Variants in PIGK observed in about 807,000 individuals in gnomAD.
PIGK encodes the protein GPI-anchor transamidase.
A neutral mutation model predicts 50.6 loss-of-function variants in PIGK; 42 were observed. The ratio of observed to expected loss-of-function variants is 0.83; its 90% confidence interval spans 0.65 to 1.07. PIGK has a LOEUF of 1.07. Among genes scored for constraint, PIGK ranks in the 50% least tolerant of loss-of-function variants. The pLI, the probability that PIGK is intolerant of heterozygous loss-of-function variation, is 0.00. For synonymous variants in PIGK, 151 were observed against 156.0 expected, an observed-to-expected ratio of 0.97 and a Z score of 0.24; for missense variants, 448 against 488.7, an observed-to-expected ratio of 0.92 and a Z score of 0.78.
intron 9 of PIGK, among the ~76,000 whole-genome samples, chr1:77,137,796 G>T (rs1654554168): frequency 6.6e-6 from 1 of 152,030 alleles, no homozygotes; most frequent in Non-Finnish European, 1.5e-5. Flanking sequence ...TAGAGACGGG[G>T]TTTCACCATG....
chr1:77,139,454 C>A (rs1216726149), intron 9 of PIGK, among the ~76,000 whole-genome samples: 1 of 152,074 alleles, frequency 6.6e-6, no homozygotes, highest in Non-Finnish European at 1.5e-5. Flanking sequence ...CACATGAGAG[C>A]CCTAAAGCAA....
intron 1 of PIGK, among the ~76,000 whole-genome samples, chr1:77,218,669 C>T (rs1656643507): frequency 1.3e-5 from 2 of 152,092 alleles, no homozygotes; most frequent in South Asian, 4.1e-4. Flanking sequence ...AAAAAGATAC[C>T]AGACATCTAG....
chr1:77,163,949 T>C lies in PIGK; in HGVS notation c.488-7A>G, dbSNP rs773411564. 4 of 1,517,530 alleles carry C rather than the reference T, an allele frequency of 2.6e-6. No individual in the cohort carries two copies. The Admixed American group carries it at 5.3e-5, about 20-fold the overall frequency. The allele number at this position is 1,517,530 out of a possible 1,614,324, so 94.0% of individuals were successfully genotyped here. On this transcript the variant is annotated splice_polypyrimidine_tract_variant and splice_region_variant and intron_variant, in intron 5 of 10. Transcript: ENST00000370812. ...AAACCATTTCCACCATGCCCTTGTA[T>C]AAAGAGTAAAAAAGATCAATAGATT...
At chr1:77,205,074 T>G (rs1656258191) in intron 3 of PIGK, among the ~76,000 whole-genome samples, 1 of 152,116 alleles carries the variant, frequency 6.6e-6, no homozygotes, top group African/African-American at 2.4e-5. Flanking sequence ...ACAAAATACA[T>G]CCTATTGCTA....
intron 3 of PIGK, among the ~76,000 whole-genome samples, chr1:77,171,366 G>T (rs1284959858): frequency 7.0e-6 from 1 of 142,348 alleles, no homozygotes. Context: ...GAACCCAGGA[G>T]GCGGAGCTCG....
chr1:77,212,525 A>C (rs1156867495), intron 1 of PIGK, among the ~76,000 whole-genome samples: 1 of 152,150 alleles, frequency 6.6e-6, no homozygotes. Flanking sequence ...AAGCACACAC[A>C]CAAGTGTAAA....
Position 77,133,238 on chromosome 1 carries a change from A to T in PIGK, c.987-10879T>A, listed in dbSNP as rs191653916. 1.0e-3 allele frequency among the ~76,000 whole-genome samples: 159 copies of T among 152,084 alleles called. 1 individual carries two copies. Among genetic ancestry groups the T allele is most frequent in the African/African-American group, 3.6e-3 (150 of 41,484 alleles). ...CAATATTTTCTATTGTACTGTCTTC[A>T]AGTTCACTAATTCTATCATCTTCTG... On this transcript the variant is annotated intron_variant, in intron 9 of 10. Transcript: ENST00000370812.
chr1:77,095,504 A>G (rs896775108), intron 10 of PIGK, among the ~76,000 whole-genome samples: 5 of 152,084 alleles, frequency 3.3e-5, no homozygotes, highest in African/African-American at 1.2e-4. Context: ...TGTGTAACTC[A>G]TTCCCAGTTC....
At chr1:77,094,894 C>T (rs995800526) in intron 10 of PIGK, among the ~76,000 whole-genome samples, 1 of 152,016 alleles carries the variant, frequency 6.6e-6, no homozygotes, top group Non-Finnish European at 1.5e-5. Flanking sequence ...AAGAGAAAAT[C>T]AAAGTGCTAT....
chr1:77,160,613 G>A (rs910723414), intron 8 of PIGK, among the ~76,000 whole-genome samples: 8 of 152,128 alleles, frequency 5.3e-5, no homozygotes, highest in African/African-American at 1.4e-4. Context: ...TAAATTAATG[G>A]AGAAAAGAAT....
intron 10 of PIGK, among the ~76,000 whole-genome samples, chr1:77,106,448 C>G (rs900569528): frequency 2.0e-5 from 3 of 152,130 alleles, no homozygotes; most frequent in East Asian, 3.9e-4. Flanking sequence ...TCATAAACAA[C>G]ATTCCTTTTA....
chr1:77,099,016 T>C (rs911698712), intron 10 of PIGK, among the ~76,000 whole-genome samples: 3 of 152,126 alleles, frequency 2.0e-5, no homozygotes, highest in African/African-American at 7.2e-5. Context: ...ATTCCTAGGA[T>C]TTGTAACACT....
chr1:77,096,411 C>T (rs1045129712), intron 10 of PIGK, among the ~76,000 whole-genome samples: 1 of 152,058 alleles, frequency 6.6e-6, no homozygotes, highest in Non-Finnish European at 1.5e-5. Flanking sequence ...GGTCTTATGA[C>T]TTCTTTTGGC....
intron 4 of PIGK, among the ~76,000 whole-genome samples, chr1:77,167,780 G>A (rs138080548): frequency 2.6e-5 from 4 of 152,250 alleles, no homozygotes; most frequent in African/African-American, 9.6e-5. Flanking sequence ...TAATCCCTCT[G>A]CATAGGCAAT....
intron 9 of PIGK, among the ~76,000 whole-genome samples, chr1:77,136,061 T>C (rs1222478847): frequency 6.6e-6 from 1 of 152,226 alleles, no homozygotes; most frequent in Non-Finnish European, 1.5e-5. Context: ...CTTTAGGTAT[T>C]AAGGTATTTT....
intron 1 of PIGK, 74 bp from the exon 2 acceptor site, chr1:77,210,563 C>A (rs1656394798): frequency 3.5e-6 from 3 of 864,830 alleles, no homozygotes; most frequent in Non-Finnish European, 5.5e-6. Context: ...ACAGTTGAGA[C>A]TCGTGTAGTT....
At chr1:77,114,664 C>T (rs1220293769) in intron 10 of PIGK, among the ~76,000 whole-genome samples, 1 of 152,022 alleles carries the variant, frequency 6.6e-6, no homozygotes, top group Non-Finnish European at 1.5e-5. Flanking sequence ...TTTACCCTTG[C>T]ATTTATTCCT....
chr1:77,169,304 T>G lies in PIGK; in HGVS notation c.331A>C (p.Asn111His). The G allele has an allele frequency of 6.3e-7, 1 of 1,598,226 alleles. No homozygotes were observed. The highest frequency in any genetic ancestry group is 8.5e-7 in the Non-Finnish European group (1 of 1,169,668). The change falls in exon 4 of 11, where the codon AAT becomes CAT. Residue 111 changes from asparagine to histidine, a missense_variant. By Grantham distance (68) the Asn-to-His change is moderately conservative (BLOSUM62 1). Coordinates refer to ENST00000370812, the MANE Select transcript of PIGK (RefSeq NM_005482.3). ...TVFSHKNMEL[N>H]VYGDDVEVDY... ...ACTTCCACATCATCTCCATACACATTTAGTTCCATATTCTTGTGACTAAAC... is the reference window on the plus strand; with the variant it reads ...ACTTCCACATCATCTCCATACACATGTAGTTCCATATTCTTGTGACTAAAC...
chr1:77,195,216 A>G, intron 3 of PIGK: 1 of 1,210,722 alleles, frequency 8.3e-7, no homozygotes, highest in South Asian at 1.2e-5. Flanking sequence ...AAGGTGCTGG[A>G]CTTTTCTTAC....
Sources: allele counts gnomAD v4.1 joint callset (sites outside exome capture counted in the v4.1 genomes callset), GRCh38; gene constraint gnomAD v4.1.1; transcripts MANE v1.5; gene names NCBI Gene and HGNC (gene_info 2026-07-23, HGNC 2026-07-21).